RFTN1: variants seen among roughly 807,000 people sequenced by gnomAD.
The protein encoded by RFTN1 is raftlin.
A neutral mutation model predicts 46.5 loss-of-function variants in RFTN1; 26 were observed. The ratio of observed to expected loss-of-function variants is 0.56; its 90% CI spans 0.41 to 0.78. The LOEUF (loss-of-function observed/expected upper bound fraction) is 0.78, where lower values mean the gene tolerates loss of function less well. Ranked by LOEUF, RFTN1 falls within the 30% of genes least tolerant of loss-of-function variation. The probability of loss-of-function intolerance (pLI) is 0.00; values close to 1 mark genes in which losing one functional copy is unlikely to be tolerated. For missense variants in RFTN1, 693 were observed against 718.7 expected (o/e 0.96, Z 0.41); for synonymous variants, 261 against 284.2 (o/e 0.92, Z 0.82).
intron 2 of RFTN1, among the ~76,000 whole-genome samples, chr3:16,487,673 G>T (rs775079753): frequency 1.3e-5 from 2 of 152,166 alleles, no homozygotes; most frequent in Admixed American, 6.5e-5. Flanking sequence ...TACACAGATT[G>T]CTCTCCGTGC....
rs1252840115 is a variant in RFTN1, at chr3:16,440,569, C to A, written c.146-6532G>T. Among the ~76,000 whole-genome samples the A allele has an allele frequency of 6.6e-6, 1 of 151,916 alleles. No individual in the cohort carries two copies. The highest frequency in any genetic ancestry group is 1.5e-5 in the Non-Finnish European group (1 of 67,994). On this transcript the variant is annotated intron_variant, in intron 2 of 9. Coordinates refer to ENST00000334133, the MANE Select transcript of RFTN1 (RefSeq NM_015150.2). This position sits in a 1 kb window ranked among gnomAD's most constrained non-coding sequence, Gnocchi z 4.6. ...GAGGGCTTGGTGCAGATCCCAAAGC[C>A]ATTAACAGAGGTATCTGCAGGCCAG...
intron 6 of RFTN1, among the ~76,000 whole-genome samples, chr3:16,369,836 C>CA (rs2073419025): frequency 6.6e-6 from 1 of 152,194 alleles, no homozygotes; most frequent in Non-Finnish European, 1.5e-5. Flanking sequence ...GAAATAGAAT[C>CA]ACTCCACTTT....
chr3:16,462,108 C>A (rs988672178), intron 2 of RFTN1, among the ~76,000 whole-genome samples: 19 of 152,182 alleles, frequency 1.2e-4, no homozygotes, highest in Non-Finnish European at 2.8e-4. Context: ...GGGTTCAAAT[C>A]CTGGCTCTGC....
At chr3:16,408,592 AG>A (rs2074915980) in intron 4 of RFTN1, among the ~76,000 whole-genome samples, 2 of 147,098 alleles carry the variant, frequency 1.4e-5, no homozygotes, top group Admixed American at 6.9e-5. Context: ...TAGACCCTAC[AG>A]TTAGGCACAA....
intron 2 of RFTN1, chr3:16,472,425 T>C (rs2076215204): frequency 1.3e-5 from 2 of 152,256 alleles, no homozygotes; most frequent in Admixed American, 1.3e-4. Context: ...CAAGAGCCTC[T>C]AGCCCAGTTC....
At chr3:16,331,344 C>T (rs966362737) in intron 7 of RFTN1, among the ~76,000 whole-genome samples, 14 of 152,164 alleles carry the variant, frequency 9.2e-5, no homozygotes, top group African/African-American at 3.4e-4. Flanking sequence ...GTTTAGTGCT[C>T]CCATAAACAT....
chr3:16,465,419 G>GACACACACAC lies in RFTN1; in HGVS notation c.145+28296_145+28305dup, dbSNP rs10560544. ...CCAACAGAGGTTGGCAGCTCAGAGG[G>GACACACACAC]ACACACACACACACACACACACACA... is the stretch of plus-strand genomic sequence containing the variant. On this transcript the variant is annotated intron_variant, in intron 2 of 9. Transcript: ENST00000334133. The surrounding 1 kb of genome is among the most constrained non-coding windows in gnomAD (Gnocchi z 5.1). Among the ~76,000 whole-genome samples, 68 of 143,396 alleles carry GACACACACAC rather than the reference G, an allele frequency of 4.7e-4. No individual in the cohort carries two copies. The highest frequency in any genetic ancestry group is 6.1e-4 in the African/African-American group (24 of 39,284). The allele number at this position is 143,396 out of a possible 152,430, so 94.1% of individuals were successfully genotyped here.
rs1017658346 is a variant in RFTN1, at chr3:16,327,166, C to T, written c.1147-290G>A. Among the ~76,000 whole-genome samples the T allele has an allele frequency of 1.3e-5, 2 of 152,200 alleles. No individual in the cohort carries two copies. The highest frequency in any genetic ancestry group is 4.8e-5 in the African/African-American group (2 of 41,454). ...GATTCTTGTCTGGACAAATAGCCTC[C>T]TGTGAGTTTCACTGACGAAGCATAA... On this transcript the variant is annotated intron_variant, in intron 7 of 9. Coordinates refer to ENST00000334133, the MANE Select transcript of RFTN1 (RefSeq NM_015150.2). This position sits in a 1 kb window ranked among gnomAD's most constrained non-coding sequence, Gnocchi z 4.2.
At position 16,447,637 on chromosome 3, in the gene RFTN1, A is replaced by C. The variant is rs1266552207; in HGVS notation, c.146-13600T>G. 6.6e-6 allele frequency among the ~76,000 whole-genome samples: 1 copy of C among 152,192 alleles called. No individual in the cohort carries two copies. Among genetic ancestry groups the C allele is most frequent in the African/African-American group, 2.4e-5 (1 of 41,446 alleles). Reference sequence around the variant, plus strand: ...CAGGCATTCCAGTGAAAAAGAGAAAAGTTTGAGAATGAGATCAAGTAAACA... The same window carrying C: ...CAGGCATTCCAGTGAAAAAGAGAAACGTTTGAGAATGAGATCAAGTAAACA... On this transcript the variant is annotated intron_variant, in intron 2 of 9. Transcript: ENST00000334133. This position sits in a 1 kb window ranked among gnomAD's most constrained non-coding sequence, Gnocchi z 5.9.
At chr3:16,357,122 A>AT (rs1559854461) in intron 7 of RFTN1, among the ~76,000 whole-genome samples, 1 of 81,672 alleles carries the variant, frequency 1.2e-5, no homozygotes. Context: ...CTCAAAAAAA[A>AT]AAAAAACAAA....
chr3:16,366,514 C>T (rs1160219889), intron 6 of RFTN1, among the ~76,000 whole-genome samples: 1 of 152,218 alleles, frequency 6.6e-6, no homozygotes, highest in Non-Finnish European at 1.5e-5. Context: ...CCTCGTCCCA[C>T]CGGGAGAGCC....
chr3:16,507,828 C>CACATATATAT lies in RFTN1; in HGVS notation c.-9+5613_-9+5614insATATATATGT, dbSNP rs2076835663. Reference sequence around the variant, plus strand: ...AAACGCACATACATACATACATACACACACACACACATACACACATATATA... The same window carrying CACATATATAT: ...AAACGCACATACATACATACATACACACATATATATACACACACACATACACACATATATA... On this transcript the variant is annotated intron_variant, in intron 1 of 9. Transcript: ENST00000334133. This position sits in a 1 kb window ranked among gnomAD's most constrained non-coding sequence, Gnocchi z 7.1. Among the ~76,000 whole-genome samples, 1 of 151,830 alleles carries CACATATATAT rather than the reference C, an allele frequency of 6.6e-6. No homozygotes were observed. The highest frequency in any genetic ancestry group is 1.5e-5 in the Non-Finnish European group (1 of 67,954).
chr3:16,510,873 C>T (rs2076888825), intron 1 of RFTN1, among the ~76,000 whole-genome samples: 1 of 151,810 alleles, frequency 6.6e-6, no homozygotes, highest in African/African-American at 2.4e-5. Context: ...AAGAAAGAAA[C>T]TAGAAGAAAG....
At chr3:16,398,244 C>CA (rs202032095) in intron 4 of RFTN1, among the ~76,000 whole-genome samples, 1,179 of 110,550 alleles carry the variant, frequency 0.011, 92 homozygotes, top group East Asian at 0.03. Flanking sequence ...AAGACTGTCT[C>CA]AAAAAAAAAA....
At chr3:16,432,998 G>A (rs2075424195) in intron 3 of RFTN1, among the ~76,000 whole-genome samples, 1 of 152,176 alleles carries the variant, frequency 6.6e-6, no homozygotes, top group Non-Finnish European at 1.5e-5. Flanking sequence ...ACTTTAAAAG[G>A]AGAGAACAAG....
Position 16,317,383 on chromosome 3 carries a change from G to C in RFTN1, c.1333-151C>G. On this transcript the variant is annotated intron_variant, in intron 9 of 9. Transcript: ENST00000334133. This position sits in a 1 kb window ranked among gnomAD's most constrained non-coding sequence, Gnocchi z 4.3. The stretch of plus-strand genomic sequence containing the variant: ...GCCAGGCAGTACAGGCACCAAACTT[G>C]AATCGCACACTATCACATCACACCC... 1 of 729,872 alleles carries C rather than the reference G, an allele frequency of 1.4e-6. No individual in the cohort carries two copies. Among genetic ancestry groups the C allele is most frequent in the Non-Finnish European group, 2.2e-6 (1 of 447,188 alleles). The allele number at this position is 729,872 out of a possible 1,614,324, so 45.2% of individuals were successfully genotyped here. A position where few individuals can be genotyped will look rare whatever the true frequency, so the allele number is the denominator to read the frequency against.
Position 16,513,585 on chromosome 3 carries a change from C to T in RFTN1, c.-152G>A. 1 of 152,334 alleles carries T rather than the reference C, an allele frequency of 6.6e-6. No individual in the cohort carries two copies. The highest frequency in any genetic ancestry group is 1.9e-4 in the East Asian group (1 of 5,202). 9.4% of individuals were successfully genotyped at this position (152,334 alleles called of 1,614,324 possible). A position where few individuals can be genotyped will look rare whatever the true frequency, so the allele number is the denominator to read the frequency against. On this transcript the variant is annotated 5_prime_UTR_variant, in exon 1 of 10. Transcript: ENST00000334133. The surrounding 1 kb of genome is among the most constrained non-coding windows in gnomAD (Gnocchi z 5.4). ...GTGGGTGGAGGCGTGGGCGGTGGCG[C>T]CGCGTGGTCGTGTGTCTGTCCCTCC...
At chr3:16,444,696 TA>T (rs1308569524) in intron 2 of RFTN1, among the ~76,000 whole-genome samples, 13 of 152,244 alleles carry the variant, frequency 8.5e-5, no homozygotes, top group African/African-American at 3.1e-4. Context: ...TGTACCACAA[TA>T]AACAATGTGG....
chr3:16,406,820 A>G (rs2125442986), intron 4 of RFTN1, among the ~76,000 whole-genome samples: 1 of 152,350 alleles, frequency 6.6e-6, no homozygotes, highest in South Asian at 2.1e-4. Context: ...CTAAGAACCT[A>G]CACAGTGTTA....
Sources: allele counts gnomAD v4.1 joint callset (sites outside exome capture counted in the v4.1 genomes callset), GRCh38; gene constraint gnomAD v4.1.1; non-coding constraint Gnocchi (gnomAD v3.1); transcripts MANE v1.5; gene names NCBI Gene and HGNC (gene_info 2026-07-23, HGNC 2026-07-21).